The following CNTNAP2 variants were observed in gnomAD, a reference collection of about 807,000 sequenced individuals.
CNTNAP2 encodes contactin associated protein 2.
A neutral mutation model predicts 155.2 loss-of-function variants in CNTNAP2; 98 were observed. That is an observed-to-expected ratio of 0.63 (90% CI 0.54 to 0.75). CNTNAP2 has a LOEUF of 0.75. CNTNAP2 is among the 30% of genes least tolerant of loss of function. The probability of loss-of-function intolerance (pLI) is 0.00; values close to 1 mark genes in which losing one functional copy is unlikely to be tolerated. For synonymous variants in CNTNAP2, 651 were observed against 631.2 expected (o/e 1.03, Z -0.47); for missense variants, 1,727 against 1,688.1 (o/e 1.02, Z -0.40).
chr7:148,263,333 TCA>T (rs1328306938), intron 20 of CNTNAP2: 2 of 152,050 alleles, frequency 1.3e-5, no homozygotes, highest in Non-Finnish European at 2.9e-5. Context: ...CTAGGAGTGT[TCA>T]TTATGTTTTT....
At chr7:146,602,197 G>A (rs1381699408) in intron 1 of CNTNAP2, among the ~76,000 whole-genome samples, 1 of 152,134 alleles carries the variant, frequency 6.6e-6, no homozygotes. Context: ...AGACCCTTAA[G>A]ATTATATGCG....
At chr7:147,277,300 T>G in intron 8 of CNTNAP2, among the ~76,000 whole-genome samples, 1 of 151,980 alleles carries the variant, frequency 6.6e-6, no homozygotes, top group East Asian at 1.9e-4. Flanking sequence ...CATAGCAGGA[T>G]GGTTCAGGTA....
At position 146,558,178 on chromosome 7, in the gene CNTNAP2, C is replaced by G. The variant is rs186259082; in HGVS notation, c.98-216093C>G. 6.5e-4 allele frequency among the ~76,000 whole-genome samples: 99 copies of G among 152,246 alleles called. No homozygotes were observed. The East Asian group carries it at 7.2e-3, about 11-fold the overall frequency. ...TCATAGGACTTGTGGACATTCATAG[C>G]CTGAGGCACCGGGGTGAAGAGTGGA... On this transcript the variant is annotated intron_variant, in intron 1 of 23. Coordinates refer to ENST00000361727, the MANE Select transcript of CNTNAP2 (RefSeq NM_014141.6).
intron 11 of CNTNAP2, among the ~76,000 whole-genome samples, chr7:147,499,017 G>C (rs1798763184): frequency 6.6e-6 from 1 of 152,118 alleles, no homozygotes; most frequent in African/African-American, 2.4e-5. Flanking sequence ...CAGTCTCTCT[G>C]TTGAGCAGTT....
Position 147,300,277 on chromosome 7 carries a change from G to T in CNTNAP2, c.1485G>T (p.Lys495Asn), listed in dbSNP as rs374414558. 1.1e-5 allele frequency: 18 copies of T among 1,613,666 alleles called. No homozygotes were observed. The change falls in exon 9 of 24, where the codon AAG (lysine) becomes AAT (asparagine). Residue 495 changes from lysine (K) to asparagine (N), a missense_variant. Lys to Asn is a moderately conservative substitution (Grantham distance 94). Transcript: ENST00000361727. Reference sequence around the variant, plus strand: ...CCCTTCAAGTTAAAACTGGCGAGAAGTACTTTTTTGGAGGTAAGAATGCCA... The same window carrying T: ...CCCTTCAAGTTAAAACTGGCGAGAATTACTTTTTTGGAGGTAAGAATGCCA... ...NSPLQVKTGE[K>N]YFFGGFLNQM...
intron 1 of CNTNAP2, among the ~76,000 whole-genome samples, chr7:146,281,129 T>A (rs935680633): frequency 1.3e-4 from 20 of 152,154 alleles, no homozygotes; most frequent in African/African-American, 4.3e-4. Context: ...ATTTTTTAGA[T>A]CATCTGAACC....
intron 1 of CNTNAP2, among the ~76,000 whole-genome samples, chr7:146,147,329 C>CCACGCTG (rs1797971634): frequency 6.6e-6 from 1 of 151,584 alleles, no homozygotes; most frequent in Admixed American, 6.6e-5. Context: ...CCAATTGGAG[C>CCACGCTG]CACGCTGCAC....
At chr7:148,349,225 C>T (rs1403372576) in intron 21 of CNTNAP2, among the ~76,000 whole-genome samples, 1 of 151,928 alleles carries the variant, frequency 6.6e-6, no homozygotes, top group Non-Finnish European at 1.5e-5. Context: ...AGTGAGATCT[C>T]TAGAGTGGAT....
intron 8 of CNTNAP2, among the ~76,000 whole-genome samples, chr7:147,224,073 G>A (rs1803468757): frequency 6.6e-6 from 1 of 152,140 alleles, no homozygotes; most frequent in South Asian, 2.1e-4. Context: ...TCCCATAGAG[G>A]TTTTTGCTTC....
At chr7:146,313,666 T>C (rs543823670) in intron 1 of CNTNAP2, among the ~76,000 whole-genome samples, 4 of 152,124 alleles carry the variant, frequency 2.6e-5, no homozygotes, top group Admixed American at 6.5e-5. Flanking sequence ...AGTATCTTTG[T>C]AGTTTTAGGT....
intron 12 of CNTNAP2, among the ~76,000 whole-genome samples, chr7:147,590,712 T>C (rs948714781): frequency 3.3e-5 from 5 of 152,088 alleles, no homozygotes; most frequent in African/African-American, 1.2e-4. Flanking sequence ...CATAGACAAA[T>C]GTATATATTC....
At chr7:146,183,644 G>A (rs1304278465) in intron 1 of CNTNAP2, among the ~76,000 whole-genome samples, 2 of 134,448 alleles carry the variant, frequency 1.5e-5, no homozygotes, top group South Asian at 2.3e-4. Context: ...AATAATAAAT[G>A]TGTCACTGCA....
intron 18 of CNTNAP2, among the ~76,000 whole-genome samples, chr7:148,179,097 A>G (rs1468595585): frequency 6.6e-6 from 1 of 152,152 alleles, no homozygotes; most frequent in Non-Finnish European, 1.5e-5. Flanking sequence ...ACCATATCGG[A>G]CTGGTTTTGT....
At chr7:146,230,267 G>A (rs754806159) in intron 1 of CNTNAP2, among the ~76,000 whole-genome samples, 46 of 152,176 alleles carry the variant, frequency 3.0e-4, no homozygotes, top group Non-Finnish European at 6.2e-4. Context: ...ATGTGGAAGT[G>A]TCAAAAGAAT....
intron 12 of CNTNAP2, among the ~76,000 whole-genome samples, chr7:147,568,275 TA>T (rs1800215977): frequency 6.6e-6 from 1 of 152,220 alleles, no homozygotes; most frequent in Non-Finnish European, 1.5e-5. Context: ...AGAGGCTTCT[TA>T]TCTCAAACAA....
chr7:146,211,021 G>C (rs1480937129), intron 1 of CNTNAP2, among the ~76,000 whole-genome samples: 1 of 152,074 alleles, frequency 6.6e-6, no homozygotes, highest in Non-Finnish European at 1.5e-5. Flanking sequence ...TGATTTTGGA[G>C]AAAAGAAAGA....
Position 147,300,149 on chromosome 7 carries a change from T to G in CNTNAP2, c.1357T>G (p.Leu453Val). The G allele has an allele frequency of 6.2e-7, 1 of 1,614,012 alleles. No homozygotes were observed. Among genetic ancestry groups the G allele is most frequent in the African/African-American group, 1.3e-5 (1 of 75,032 alleles). ...TATCTTGTACTTACCAGGTTCTGGG[T>G]TGAATGATGGACAGTGGCACGAGGT... ...SQIDISSGSG[L>V]NDGQWHEVRF... The change falls in exon 9 of 24, where the codon TTG becomes GTG. Residue 453 changes from leucine (L) to valine (V), a missense_variant. Transcript: ENST00000361727.
intron 2 of CNTNAP2, among the ~76,000 whole-genome samples, chr7:146,806,907 A>C (rs1447724659): frequency 6.6e-6 from 1 of 152,200 alleles, no homozygotes; most frequent in African/African-American, 2.4e-5. Flanking sequence ...TAAAAGTGGT[A>C]TAATACTAGG....
chr7:147,673,557 A>G (rs983816602), intron 13 of CNTNAP2, among the ~76,000 whole-genome samples: 6 of 152,156 alleles, frequency 3.9e-5, no homozygotes, highest in Non-Finnish European at 8.8e-5. Context: ...TCATTATTCT[A>G]TTACCCCATT....
Sources: allele counts gnomAD v4.1 joint callset (sites outside exome capture counted in the v4.1 genomes callset), GRCh38; gene constraint gnomAD v4.1.1; transcripts MANE v1.5; gene names NCBI Gene and HGNC (gene_info 2026-07-23, HGNC 2026-07-21).